The following CLNK variants were observed in gnomAD, a reference collection of about 807,000 sequenced individuals.
The protein encoded by CLNK is cytokine-dependent hematopoietic cell linker.
CLNK carries 74 observed loss-of-function variants against 68.6 expected under a neutral mutation model. The ratio of observed to expected loss-of-function variants is 1.08; its 90% CI spans 0.89 to 1.31. The LOEUF (loss-of-function observed/expected upper bound fraction) is 1.31, where lower values mean the gene tolerates loss of function less well. CLNK is among the 50% of genes most tolerant of loss of function. CLNK has a pLI of 0.00. For synonymous variants in CLNK, 198 were observed against 172.2 expected (o/e 1.15, Z -1.17); for missense variants, 553 against 515.3 (o/e 1.07, Z -0.71).
At chr4:10,522,733 A>G (rs935164899) in intron 14 of CLNK, among the ~76,000 whole-genome samples, 1 of 152,244 alleles carries the variant, frequency 6.6e-6, no homozygotes, top group African/African-American at 2.4e-5. Flanking sequence ...AAAGAAACAC[A>G]TCCTTGTATC....
chr4:10,585,060 C>T lies in CLNK; in HGVS notation c.84-105G>A, dbSNP rs1009439132. ...ATCAAACGTCATTGTACAAGTCAGC[C>T]TCTGAAGCTGCTTTATGTATGTACT... On this transcript the variant is annotated intron_variant, in intron 3 of 18. Transcript: ENST00000226951. 1.6e-5 allele frequency: 18 copies of T among 1,153,166 alleles called. No homozygotes were observed. In the African/African-American group the frequency reaches 2.8e-4, roughly 18 times the overall value. 71.4% of individuals were successfully genotyped at this position (1,153,166 alleles called of 1,614,324 possible).
chr4:10,561,964 G>C (rs984899578), intron 7 of CLNK, among the ~76,000 whole-genome samples: 2 of 152,108 alleles, frequency 1.3e-5, no homozygotes, highest in Admixed American at 1.3e-4. Flanking sequence ...AGGCACCATG[G>C]TAGGTGTTGG....
At chr4:10,664,571 C>CGG (rs1724319758) in intron 2 of CLNK, among the ~76,000 whole-genome samples, 1 of 152,228 alleles carries the variant, frequency 6.6e-6, no homozygotes, top group Non-Finnish European at 1.5e-5. Context: ...GTGCTGGGAA[C>CGG]TCCTGTTCTA....
intron 2 of CLNK, among the ~76,000 whole-genome samples, chr4:10,638,224 A>C (rs1314773191): frequency 1.3e-5 from 2 of 152,162 alleles, no homozygotes; most frequent in Non-Finnish European, 2.9e-5. Flanking sequence ...ACTATGCTCT[A>C]CTCAGGATTC....
At position 10,558,407 on chromosome 4, in the gene CLNK, C is replaced by T. The variant is rs903735372; in HGVS notation, c.445G>A (p.Gly149Arg). The change falls in exon 8 of 19, where the codon GGA becomes AGA. Residue 149 changes from glycine to arginine, a missense_variant and splice_region_variant. Coordinates refer to ENST00000226951, the MANE Select transcript of CLNK (RefSeq NM_052964.4). ...TAAACTTCGATTAACATGACTTTAC[C>T]TTTAATGTTTTGGCTTCTGACGTCC... is the stretch of plus-strand genomic sequence containing the variant. ...SKDVRSQNIKGDASVRKNKIP... is the reference protein window; with the variant it reads ...SKDVRSQNIKRDASVRKNKIP... 8 of 1,613,572 alleles carry T rather than the reference C, an allele frequency of 5.0e-6. No homozygotes were observed. Among genetic ancestry groups the T allele is most frequent in the South Asian group, 1.1e-5 (1 of 91,072 alleles).
intron 2 of CLNK, among the ~76,000 whole-genome samples, chr4:10,638,946 A>G (rs1723205404): frequency 6.6e-6 from 1 of 152,196 alleles, no homozygotes; most frequent in African/African-American, 2.4e-5. Flanking sequence ...GGCCAACTTA[A>G]TGGTCTCATT....
chr4:10,734,201 C>T, the CLNK span, among the ~76,000 whole-genome samples: 3 of 152,308 alleles, frequency 2.0e-5, no homozygotes, highest in East Asian at 5.8e-4. Flanking sequence ...GGAACTGATT[C>T]CCAATCGTAG....
At chr4:10,564,492 G>A (rs996872123) in intron 7 of CLNK, among the ~76,000 whole-genome samples, 179 bp downstream of exon 7, 1 of 152,132 alleles carries the variant, frequency 6.6e-6, no homozygotes, top group Non-Finnish European at 1.5e-5. Context: ...GGGCCATGAT[G>A]CTACCAGTCA....
chr4:10,694,106 C>A, the CLNK span, among the ~76,000 whole-genome samples: 1 of 151,870 alleles, frequency 6.6e-6, no homozygotes, highest in African/African-American at 2.4e-5. Context: ...TAGGCCCTGT[C>A]CCTAAATCAC....
At chr4:10,686,627 T>A (rs954510151), upstream of CLNK, among the ~76,000 whole-genome samples, 2 of 150,324 alleles carry the variant, frequency 1.3e-5, no homozygotes, top group Non-Finnish European at 3.0e-5. Flanking sequence ...TCTGCTTGCA[T>A]CCTAGATGCC....
At chr4:10,511,244 C>A (rs1717570600) in intron 16 of CLNK, among the ~76,000 whole-genome samples, 1 of 152,202 alleles carries the variant, frequency 6.6e-6, no homozygotes, top group Admixed American at 6.5e-5. Flanking sequence ...CACCCTGACC[C>A]CCTTGGGCAC....
chr4:10,584,282 C>A (rs1179370236), intron 4 of CLNK, among the ~76,000 whole-genome samples: 1 of 152,196 alleles, frequency 6.6e-6, no homozygotes, highest in Admixed American at 6.5e-5. Context: ...TACATAACTC[C>A]TTATGACTCC....
chr4:10,621,394 A>G (rs1024473350), intron 2 of CLNK, among the ~76,000 whole-genome samples: 3 of 152,216 alleles, frequency 2.0e-5, no homozygotes, highest in Non-Finnish European at 4.4e-5. Flanking sequence ...AATAAGGAAT[A>G]CATGAAGAAG....
At chr4:10,513,761 G>A (rs765863285) in intron 15 of CLNK, among the ~76,000 whole-genome samples, 164 bp from the exon 16 acceptor site, 1 of 151,178 alleles carries the variant, frequency 6.6e-6, no homozygotes, top group African/African-American at 2.4e-5. Flanking sequence ...TCTCTGTTTT[G>A]TTCTCTACCT....
At chr4:10,668,022 G>A in intron 1 of CLNK, 111 bp from the exon 2 acceptor site, 3 of 511,582 alleles carry the variant, frequency 5.9e-6, no homozygotes, top group Non-Finnish European at 7.0e-6. Flanking sequence ...CTGGTTTAAA[G>A]GAAATGACAG....
the CLNK span, among the ~76,000 whole-genome samples, chr4:10,710,626 A>C: frequency 6.6e-6 from 1 of 152,200 alleles, no homozygotes; most frequent in Admixed American, 6.5e-5. Flanking sequence ...TGTTGCTTTG[A>C]GAGCAAAGGA....
intron 3 of CLNK, among the ~76,000 whole-genome samples, chr4:10,590,844 T>C (rs150515922): frequency 3.4e-4 from 52 of 152,292 alleles, no homozygotes; most frequent in Non-Finnish European, 5.6e-4. Context: ...ATGATTTCAC[T>C]CAAACCTCAT....
At chr4:10,497,721 T>A (rs1471294336) in intron 18 of CLNK, among the ~76,000 whole-genome samples, 1 of 152,246 alleles carries the variant, frequency 6.6e-6, no homozygotes, top group Non-Finnish European at 1.5e-5. Context: ...GGTCTCAGTT[T>A]CCTTGCCAGT....
chr4:10,541,326 T>TATC (rs144295836), intron 10 of CLNK, among the ~76,000 whole-genome samples: 2,200 of 152,164 alleles, frequency 0.014, 63 homozygotes, highest in African/African-American at 0.05. Context: ...TTCATAAGTT[T>TATC]ATCAGGTACT....
Sources: gnomAD v4.1 joint callset for allele counts (sites outside exome capture counted in the v4.1 genomes callset) on GRCh38, gnomAD v4.1.1 for gene constraint, MANE v1.5 for transcripts, NCBI Gene and HGNC (gene_info 2026-07-23, HGNC 2026-07-21) for gene names.